The following TGS1 variants were observed in gnomAD, a reference collection of about 807,000 sequenced individuals.
TGS1 encodes trimethylguanosine synthase 1, also known as trimethylguanosine synthase.
A neutral mutation model predicts 92.2 loss-of-function variants in TGS1; 69 were observed. That is an observed-to-expected ratio of 0.75 (90% CI 0.62 to 0.91). The LOEUF (loss-of-function observed/expected upper bound fraction) is 0.91, where lower values mean the gene tolerates loss of function less well. Among genes scored for constraint, TGS1 ranks in the 40% least tolerant of loss-of-function variants. The pLI is 0.00. For missense variants in TGS1, 1,062 were observed against 1,001.2 expected, an observed-to-expected ratio of 1.06 and a Z score of -0.82; for synonymous variants, 345 against 338.1, an observed-to-expected ratio of 1.02 and a Z score of -0.22.
At chr8:55,812,636 A>G (rs1352461772) in intron 11 of TGS1, among the ~76,000 whole-genome samples, 1 of 152,064 alleles carries the variant, frequency 6.6e-6, no homozygotes, top group Non-Finnish European at 1.5e-5. Flanking sequence ...GTGAATTGAG[A>G]TTACGCTACT....
rs777063616 is a variant in TGS1 at position 55,824,527 on chromosome 8, CTT to C, written c.2440-51_2440-50del. 50 of 1,606,134 alleles carry C rather than the reference CTT, an allele frequency of 3.1e-5. 1 individual carries two copies. The Admixed American group carries it at 7.7e-4, about 25-fold the overall frequency. On this transcript the variant is annotated intron_variant, in intron 12 of 12. Transcript: ENST00000260129. Reference sequence around the variant, plus strand: ...TTGATAAAGCAGTACAAGTGAAAGACTTTTGAAATTATGCTTAGGTGTGTGTG... The same window carrying C: ...TTGATAAAGCAGTACAAGTGAAAGACTTGAAATTATGCTTAGGTGTGTGTG...
chr8:55,811,268 G>A (rs1296110801), intron 11 of TGS1, among the ~76,000 whole-genome samples, 171 bp downstream of exon 11: 1 of 150,878 alleles, frequency 6.6e-6, no homozygotes, highest in African/African-American at 2.4e-5. Context: ...TTCGAGACCA[G>A]CCTGGCCAAC....
At chr8:55,781,309 GATA>G (rs753852448) in intron 1 of TGS1, among the ~76,000 whole-genome samples, 2 of 151,804 alleles carry the variant, frequency 1.3e-5, no homozygotes, top group South Asian at 4.2e-4. Context: ...CTTCCTATCA[GATA>G]ATGTCTTGAG....
chr8:55,805,205 A>G (rs1371136120), intron 10 of TGS1, among the ~76,000 whole-genome samples, 169 bp downstream of exon 10: 3 of 152,218 alleles, frequency 2.0e-5, no homozygotes, highest in African/African-American at 7.2e-5. Context: ...TGTATTGCAT[A>G]CTGGTGTAAA....
chr8:55,813,489 T>G (rs1385448529), intron 12 of TGS1, among the ~76,000 whole-genome samples: 1 of 152,212 alleles, frequency 6.6e-6, no homozygotes, highest in Non-Finnish European at 1.5e-5. Flanking sequence ...ATATCTTCAT[T>G]TCATGTTTTT....
chr8:55,810,063 A>G (rs1803298151), intron 10 of TGS1, among the ~76,000 whole-genome samples: 1 of 152,224 alleles, frequency 6.6e-6, no homozygotes, highest in Non-Finnish European at 1.5e-5. Flanking sequence ...GATTTAGCAC[A>G]TTATTTCTCA....
At chr8:55,795,459 A>T (rs1035670098) in intron 6 of TGS1, among the ~76,000 whole-genome samples, 31 of 152,342 alleles carry the variant, frequency 2.0e-4, no homozygotes, top group African/African-American at 7.0e-4. Context: ...AGGAGGCTTC[A>T]TAGCAGATAC....
chr8:55,779,696 A>G (rs1472162124), intron 1 of TGS1, among the ~76,000 whole-genome samples: 3 of 152,196 alleles, frequency 2.0e-5, no homozygotes, highest in Non-Finnish European at 4.4e-5. Context: ...AAATATAAAA[A>G]GTTGAGAAGA....
intron 1 of TGS1, among the ~76,000 whole-genome samples, chr8:55,780,133 A>G (rs1811521888): frequency 6.7e-6 from 1 of 148,674 alleles, no homozygotes; most frequent in African/African-American, 2.5e-5. Context: ...CTAGGATTAT[A>G]GGCATGAGCC....
intron 6 of TGS1, among the ~76,000 whole-genome samples, chr8:55,793,636 C>T (rs1811948331): frequency 6.6e-6 from 1 of 152,046 alleles, no homozygotes; most frequent in South Asian, 2.1e-4. Context: ...GGTGCGATCT[C>T]GGCCCACTGC....
intron 6 of TGS1, among the ~76,000 whole-genome samples, chr8:55,793,342 A>G (rs1340468937): frequency 2.0e-5 from 3 of 152,184 alleles, no homozygotes; most frequent in African/African-American, 7.2e-5. Flanking sequence ...ACATTTAAAA[A>G]TTAGCTGGGT....
rs143633829 is a variant in TGS1, at chr8:55,826,192, G to C, written c.*1489G>C. Among the ~76,000 whole-genome samples, 129 of 152,204 alleles carry C rather than the reference G, an allele frequency of 8.5e-4. No homozygotes were observed. The highest frequency in any genetic ancestry group is 3.4e-3 in the Middle Eastern group (1 of 294). ...AGTCACTAGGGAGATGGCAGGTGAA[G>C]TAAAGGCAGATTTCCAAAATCACTA... is the stretch of plus-strand genomic sequence containing the variant. On this transcript the variant is annotated 3_prime_UTR_variant, in exon 13 of 13. Transcript: ENST00000260129.
chr8:55,800,239 G>A (rs1304193745), intron 8 of TGS1, among the ~76,000 whole-genome samples: 1 of 151,782 alleles, frequency 6.6e-6, no homozygotes, highest in Non-Finnish European at 1.5e-5. Flanking sequence ...ACCTACAGTA[G>A]TTTACATTTA....
At chr8:55,784,631 A>G (rs974436139) in intron 2 of TGS1, among the ~76,000 whole-genome samples, 1 of 152,182 alleles carries the variant, frequency 6.6e-6, no homozygotes, top group African/African-American at 2.4e-5. Context: ...CAAACTTCTA[A>G]TAGCAGAATC....
At chr8:55,778,833 A>G (rs1242507741) in intron 1 of TGS1, among the ~76,000 whole-genome samples, 2 of 152,250 alleles carry the variant, frequency 1.3e-5, no homozygotes, top group Non-Finnish European at 2.9e-5. Context: ...AGATATTGCT[A>G]AGAATCTTAT....
At chr8:55,794,511 C>T (rs955228370) in intron 6 of TGS1, among the ~76,000 whole-genome samples, 7 of 152,294 alleles carry the variant, frequency 4.6e-5, no homozygotes, top group African/African-American at 1.7e-4. Flanking sequence ...CACCTGTAAT[C>T]CCAGCACTTT....
chr8:55,808,262 CTATT>C (rs966434912), intron 10 of TGS1, among the ~76,000 whole-genome samples: 1 of 152,164 alleles, frequency 6.6e-6, no homozygotes, highest in Admixed American at 6.5e-5. Flanking sequence ...CTTGAATTCA[CTATT>C]TACTATCAAA....
intron 4 of TGS1, 118 bp downstream of exon 4, chr8:55,787,178 TAATGA>T (rs1397775519): frequency 5.2e-5 from 36 of 686,724 alleles, no homozygotes; most frequent in Non-Finnish European, 8.2e-5. Flanking sequence ...TTTCATATAA[TAATGA>T]AATGATTTAA....
At chr8:55,821,786 T>C (rs1803644255) in intron 12 of TGS1, among the ~76,000 whole-genome samples, 2 of 151,708 alleles carry the variant, frequency 1.3e-5, no homozygotes. Context: ...GGCAGGAGAA[T>C]GGCATGAACC....
Sources: gnomAD v4.1 joint callset for allele counts (sites outside exome capture counted in the v4.1 genomes callset) on GRCh38, gnomAD v4.1.1 for gene constraint, MANE v1.5 for transcripts, NCBI Gene and HGNC (gene_info 2026-07-23, HGNC 2026-07-21) for gene names.